Variants in TMEM117 observed in about 807,000 individuals in gnomAD.
TMEM117 encodes transmembrane protein 117.
In TMEM117, 27 loss-of-function variants were observed where a neutral mutation model predicts 52.4. That is an observed-to-expected ratio of 0.51 (90% CI 0.38 to 0.71). The LOEUF (loss-of-function observed/expected upper bound fraction) is 0.71. TMEM117 is among the 30% of genes least tolerant of loss of function. The pLI is 0.00. For synonymous variants in TMEM117, 215 were observed against 206.3 expected, an observed-to-expected ratio of 1.04 and a Z score of -0.36; for missense variants, 556 against 630.5, an observed-to-expected ratio of 0.88 and a Z score of 1.26.
chr12:44,043,470 C>T (rs572382949), intron 3 of TMEM117, among the ~76,000 whole-genome samples: 7 of 152,238 alleles, frequency 4.6e-5, no homozygotes, highest in South Asian at 2.1e-4. Context: ...AGTTTGTAAA[C>T]GCTGATGAAA....
rs187310467 is a variant in TMEM117 at position 44,073,045 on chromosome 12, G to A, written c.411-70480G>A. On this transcript the variant is annotated intron_variant, in intron 3 of 7. Coordinates refer to ENST00000266534, the MANE Select transcript of TMEM117 (RefSeq NM_032256.3). ...GCAGAGGTTGCAGTGAGCTGAGGTC[G>A]TACTACTGCACTCCAGCCTGGCGAC... Among the ~76,000 whole-genome samples, 424 of 151,454 alleles carry A rather than the reference G, an allele frequency of 2.8e-3. 5 individuals are homozygous for A. The highest frequency in any genetic ancestry group is 9.8e-3 in the African/African-American group (403 of 41,268).
At chr12:44,124,093 T>C (rs543587954) in intron 3 of TMEM117, among the ~76,000 whole-genome samples, 1 of 152,288 alleles carries the variant, frequency 6.6e-6, no homozygotes, top group Admixed American at 6.5e-5. Flanking sequence ...CAGTGGTTTG[T>C]GGTTCTCTGT....
At chr12:44,179,772 A>G (rs541997443) in intron 4 of TMEM117, among the ~76,000 whole-genome samples, 4 of 152,370 alleles carry the variant, frequency 2.6e-5, no homozygotes, top group Admixed American at 2.0e-4. Flanking sequence ...AATGTTAACC[A>G]TCACAGTGGT....
chr12:43,952,764 C>A (rs1190088238), intron 3 of TMEM117, among the ~76,000 whole-genome samples: 2 of 152,038 alleles, frequency 1.3e-5, no homozygotes, highest in African/African-American at 2.4e-5. Context: ...GTAAGACAGA[C>A]CAGTATTCAA....
At chr12:43,822,087 G>A in the TMEM117 span, among the ~76,000 whole-genome samples, 5 of 152,124 alleles carry the variant, frequency 3.3e-5, no homozygotes, top group Non-Finnish European at 5.9e-5. Context: ...ACATGGAACC[G>A]ATATTCAAGA....
Position 44,388,116 on chromosome 12 carries a change from A to T in TMEM117, c.989A>T (p.Tyr330Phe). 1 of 1,613,104 alleles carries T rather than the reference A, an allele frequency of 6.2e-7. No individual in the cohort carries two copies. The highest frequency in any genetic ancestry group is 8.5e-7 in the Non-Finnish European group (1 of 1,179,482). ...CAAATATTTTATAAACCTCATGAAT[A>T]TGGGCAATATATCGGCCCGGGGCAG... ...KNQIFYKPHE[Y>F]GQYIGPGQKI... The change falls in exon 8 of 8, where the codon TAT becomes TTT. Residue 330 changes from tyrosine (Y) to phenylalanine (F), a missense_variant. By Grantham distance (22) the Tyr-to-Phe change is conservative. This residue lies in a region of TMEM117 where 22 missense variants were observed against 48.1 expected (regional missense o/e 0.46). Coordinates refer to ENST00000266534, the MANE Select transcript of TMEM117 (RefSeq NM_032256.3).
chr12:44,265,356 A>C (rs1048525136), intron 5 of TMEM117, among the ~76,000 whole-genome samples: 1 of 152,144 alleles, frequency 6.6e-6, no homozygotes, highest in African/African-American at 2.4e-5. Context: ...TCTAAGTGCA[A>C]TGACACACTA....
chr12:44,204,251 C>A (rs544909624), intron 4 of TMEM117, among the ~76,000 whole-genome samples: 17 of 152,170 alleles, frequency 1.1e-4, no homozygotes, highest in African/African-American at 3.6e-4. Context: ...CAAAAATCAG[C>A]AGCATTTCTG....
At chr12:43,804,366 A>C in the TMEM117 span, 3 of 655,868 alleles carry the variant, frequency 4.6e-6, no homozygotes, top group Admixed American at 2.9e-5. Context: ...TGAGGAATCC[A>C]AGTTACCGTA....
chr12:44,126,019 G>A (rs1391870811), intron 3 of TMEM117, among the ~76,000 whole-genome samples: 2 of 151,846 alleles, frequency 1.3e-5, no homozygotes, highest in Admixed American at 1.3e-4. Context: ...TGTAGTATAT[G>A]GTTTGAGTGA....
At chr12:44,294,244 A>AGAGG (rs1394692505) in intron 5 of TMEM117, among the ~76,000 whole-genome samples, 3 of 152,094 alleles carry the variant, frequency 2.0e-5, no homozygotes, top group Admixed American at 2.0e-4. Flanking sequence ...TCTTTATTGA[A>AGAGG]GACTTTAGTC....
At chr12:44,321,605 G>A (rs1951130226) in intron 6 of TMEM117, among the ~76,000 whole-genome samples, 1 of 152,150 alleles carries the variant, frequency 6.6e-6, no homozygotes, top group African/African-American at 2.4e-5. Context: ...CCACCCAGAG[G>A]TGCTTCCTTG....
intron 3 of TMEM117, among the ~76,000 whole-genome samples, chr12:43,989,873 C>T (rs1380281733): frequency 2.6e-5 from 4 of 151,996 alleles, no homozygotes; most frequent in Non-Finnish European, 1.5e-5. Flanking sequence ...TCTTGTGGAT[C>T]AGTGGCATTT....
At chr12:43,869,650 G>C (rs1018523747) in intron 2 of TMEM117, among the ~76,000 whole-genome samples, 3 of 152,186 alleles carry the variant, frequency 2.0e-5, no homozygotes, top group Admixed American at 1.3e-4. Context: ...TGGAATATGA[G>C]GCTAAACTGT....
chr12:44,313,665 G>A (rs1247761911), intron 6 of TMEM117, among the ~76,000 whole-genome samples: 6 of 152,144 alleles, frequency 3.9e-5, no homozygotes, highest in African/African-American at 1.2e-4. Flanking sequence ...ATAGTTTGAA[G>A]GAATAGTGTT....
Position 44,095,856 on chromosome 12 carries a change from G to C in TMEM117, c.411-47669G>C, listed in dbSNP as rs552595554. Among the ~76,000 whole-genome samples, 4 of 152,262 alleles carry C rather than the reference G, an allele frequency of 2.6e-5. No individual in the cohort carries two copies. The South Asian group carries it at 8.3e-4, about 32-fold the overall frequency. Reference sequence around the variant, plus strand: ...ACTCCTATTCAACATAGTGTTGGAAGTTCTGGCCAGGGCAATTAGGCAGGA... The same window carrying C: ...ACTCCTATTCAACATAGTGTTGGAACTTCTGGCCAGGGCAATTAGGCAGGA... On this transcript the variant is annotated intron_variant, in intron 3 of 7. Coordinates refer to ENST00000266534, the MANE Select transcript of TMEM117 (RefSeq NM_032256.3).
intron 5 of TMEM117, 22 bp from the exon 6 acceptor site, chr12:44,299,558 A>T (rs928155775): frequency 6.2e-7 from 1 of 1,612,784 alleles, no homozygotes; most frequent in Non-Finnish European, 8.5e-7. Flanking sequence ...ATGTTCTTTA[A>T]TGAGTGTCTT....
At chr12:43,822,580 G>T in the TMEM117 span, among the ~76,000 whole-genome samples, 2 of 150,886 alleles carry the variant, frequency 1.3e-5, no homozygotes, top group South Asian at 2.1e-4. Flanking sequence ...GTTCTCATGA[G>T]ACACTTATTC....
At chr12:44,311,867 GTATATATA>G (rs1203609247) in intron 6 of TMEM117, among the ~76,000 whole-genome samples, 2 of 112,464 alleles carry the variant, frequency 1.8e-5, no homozygotes, top group African/African-American at 8.5e-5. Context: ...GTATATATAT[GTATATATA>G]TGTATATATG....
Sources: gnomAD v4.1 joint callset for allele counts (sites outside exome capture counted in the v4.1 genomes callset) on GRCh38, gnomAD v4.1.1 for gene constraint, gnomAD v4.1.1 regional missense constraint, MANE v1.5 for transcripts, NCBI Gene and HGNC (gene_info 2026-07-23, HGNC 2026-07-21) for gene names.